The following KAT6B variants were observed in gnomAD, a reference collection of about 807,000 sequenced individuals.
KAT6B encodes the protein lysine acetyltransferase 6B.
A neutral mutation model predicts 187.5 loss-of-function variants in KAT6B; 10 were observed. That is an observed-to-expected ratio of 0.05 (90% CI 0.03 to 0.09). KAT6B has a LOEUF of 0.09. Ranked by LOEUF, KAT6B falls within the 10% of genes least tolerant of loss-of-function variation. The pLI, the probability that KAT6B is intolerant of heterozygous loss-of-function variation, is 1.00. For missense variants in KAT6B, 1,952 were observed against 2,558.9 expected (o/e 0.76, Z 5.12); for synonymous variants, 861 against 926.8 (o/e 0.93, Z 1.29).
chr10:74,973,854 A>G (rs555674323), intron 7 of KAT6B, among the ~76,000 whole-genome samples: 28 of 152,310 alleles, frequency 1.8e-4, no homozygotes, highest in Admixed American at 9.8e-4. Flanking sequence ...TGTTCCCAAC[A>G]TGGGTCCATA....
intron 3 of KAT6B, among the ~76,000 whole-genome samples, chr10:74,908,989 C>T (rs1846999327): frequency 3.9e-5 from 6 of 152,120 alleles, no homozygotes; most frequent in Admixed American, 3.9e-4. Context: ...ATCCACAAGT[C>T]TATATGTGAA....
rs201434400 is a variant in KAT6B, at chr10:74,935,292, T to C, written c.622-24678T>C. On this transcript the variant is annotated intron_variant, in intron 3 of 17. Coordinates refer to ENST00000287239, the MANE Select transcript of KAT6B (RefSeq NM_012330.4). ...TTACATACACACACATATATATATA[T>C]ACACACATCTGTGTACTCATATATA... Among the ~76,000 whole-genome samples the C allele has an allele frequency of 3.2e-4, 43 of 133,404 alleles. 1 individual carries two copies. The highest frequency in any genetic ancestry group is 8.3e-4 in the African/African-American group (30 of 35,966). 87.5% of individuals were successfully genotyped at this position (133,404 alleles called of 152,430 possible). A position where few individuals can be genotyped will look rare whatever the true frequency, so the allele number is the denominator to read the frequency against.
At chr10:75,008,577 A>G (rs1456401812) in intron 13 of KAT6B, among the ~76,000 whole-genome samples, 2 of 152,174 alleles carry the variant, frequency 1.3e-5, no homozygotes, top group Non-Finnish European at 2.9e-5. Flanking sequence ...CCATGAAGTT[A>G]AGGACATTAA....
chr10:74,938,395 T>C (rs1043960069), intron 3 of KAT6B, among the ~76,000 whole-genome samples: 5 of 151,930 alleles, frequency 3.3e-5, no homozygotes, highest in Admixed American at 3.3e-4. Flanking sequence ...GCTCCCTACA[T>C]AGACTACCAG....
intron 3 of KAT6B, among the ~76,000 whole-genome samples, chr10:74,876,037 G>T (rs1226835351): frequency 6.6e-6 from 1 of 151,994 alleles, no homozygotes; most frequent in African/African-American, 2.4e-5. Flanking sequence ...ACAACCTCAA[G>T]CATCCTACAA....
intron 16 of KAT6B, 75 bp from the exon 17 acceptor site, chr10:75,024,883 C>T (rs1564628035): frequency 1.5e-6 from 2 of 1,357,506 alleles, no homozygotes; most frequent in South Asian, 1.2e-5. Flanking sequence ...GCGTTCAGTA[C>T]ATGTCTACTG....
intron 2 of KAT6B, among the ~76,000 whole-genome samples, chr10:74,839,152 CCCCCCA>C (rs1331391156): frequency 3.4e-5 from 5 of 149,166 alleles, no homozygotes; most frequent in African/African-American, 1.2e-4. Context: ...AGACTCTGTG[CCCCCCA>C]AAAAAAAAAA....
chr10:74,995,362 C>A (rs1306465629), intron 13 of KAT6B, among the ~76,000 whole-genome samples: 2 of 152,108 alleles, frequency 1.3e-5, no homozygotes, highest in East Asian at 1.9e-4. Context: ...TTATTTTATA[C>A]TTGTTACCTT....
In KAT6B at chr10:74,871,185, CTTT is replaced by C. The variant is rs746074814; in HGVS notation, c.621+27730_621+27732del. Among the ~76,000 whole-genome samples the C allele has an allele frequency of 9.1e-5, 7 of 76,744 alleles. No individual in the cohort carries two copies. The South Asian group carries it at 1.4e-3, about 15-fold the overall frequency. 50.3% of individuals were successfully genotyped at this position (76,744 alleles called of 152,430 possible). On this transcript the variant is annotated intron_variant, in intron 3 of 17. Coordinates refer to ENST00000287239, the MANE Select transcript of KAT6B (RefSeq NM_012330.4). Reference sequence around the variant, plus strand: ...ACAGGTGTGAGCCACCAAGCCTGGCCTTTTTTTTTTTTTTTTTTTTTTTTTGAT... The same window carrying C: ...ACAGGTGTGAGCCACCAAGCCTGGCCTTTTTTTTTTTTTTTTTTTTTTGAT...
intron 13 of KAT6B, among the ~76,000 whole-genome samples, chr10:74,989,326 C>G (rs1003661919): frequency 6.6e-6 from 1 of 152,202 alleles, no homozygotes; most frequent in Non-Finnish European, 1.5e-5. Context: ...GACTAGATCT[C>G]TCGGCAGCAG....
At chr10:74,925,302 A>G (rs1243688889) in intron 3 of KAT6B, among the ~76,000 whole-genome samples, 1 of 152,078 alleles carries the variant, frequency 6.6e-6, no homozygotes, top group African/African-American at 2.4e-5. Context: ...TCAGCCTCCA[A>G]AAGTGCTGGG....
At chr10:74,927,995 C>T (rs1452191702) in intron 3 of KAT6B, among the ~76,000 whole-genome samples, 1 of 152,154 alleles carries the variant, frequency 6.6e-6, no homozygotes, top group African/African-American at 2.4e-5. Flanking sequence ...GTCTACCTGG[C>T]ATATTATTGT....
Position 75,022,164 on chromosome 10 carries a change from A to C in KAT6B, c.3305A>C (p.Glu1102Ala). Residue 1102 changes from glutamate (E) to alanine (A), a missense_variant, in exon 16 of 18, where the codon GAA (glutamate) becomes GCA (alanine). This residue lies in a region of KAT6B where 758 missense variants were observed against 891.4 expected (regional missense o/e 0.85). Coordinates refer to ENST00000287239, the MANE Select transcript of KAT6B (RefSeq NM_012330.4). ...GAAGAAGAGGAAGAAGAAGAAGAAG[A>C]AGAAGAAAATATTCAAAGCTCTCCC... Reference protein sequence around the residue: ...EEEEEEEEEEEEENIQSSPPR... With the variant: ...EEEEEEEEEEAEENIQSSPPR... 1 of 1,613,558 alleles carries C rather than the reference A, an allele frequency of 6.2e-7. No individual in the cohort carries two copies. Among genetic ancestry groups the C allele is most frequent in the South Asian group, 1.1e-5 (1 of 91,064 alleles).
In KAT6B at chr10:74,886,578, A is replaced by T. The variant is rs1005610958; in HGVS notation, c.621+43100A>T. On this transcript the variant is annotated intron_variant, in intron 3 of 17. Transcript: ENST00000287239. ...CGCTCCCCCGTGCCCCACATCTGGG[A>T]GGACCCCACCTGAGCTTGGTGTTAT... 4.2e-4 allele frequency among the ~76,000 whole-genome samples: 64 copies of T among 152,290 alleles called. 1 individual carries two copies. Among genetic ancestry groups the T allele is most frequent in the African/African-American group, 1.5e-3 (62 of 41,572 alleles).
At chr10:74,961,541 A>G (rs1323081952) in intron 4 of KAT6B, among the ~76,000 whole-genome samples, 2 of 152,160 alleles carry the variant, frequency 1.3e-5, no homozygotes, top group Non-Finnish European at 2.9e-5. Flanking sequence ...CTGGTGATAC[A>G]CTTACTTGAG....
chr10:74,911,262 CTTTCTT>C (rs1265740754), intron 3 of KAT6B, among the ~76,000 whole-genome samples: 34 of 150,132 alleles, frequency 2.3e-4, no homozygotes, highest in African/African-American at 8.3e-4. Context: ...CCTTAGTCTA[CTTTCTT>C]TTTCTTTTTT....
intron 13 of KAT6B, among the ~76,000 whole-genome samples, chr10:75,004,929 G>A (rs78886581): frequency 0.023 from 3,459 of 152,114 alleles, 130 homozygotes; most frequent in African/African-American, 0.079. Flanking sequence ...TGCCCAGGCT[G>A]GTTTCCAACT....
intron 3 of KAT6B, among the ~76,000 whole-genome samples, chr10:74,923,622 G>A (rs960948443): frequency 6.6e-5 from 10 of 152,184 alleles, no homozygotes; most frequent in African/African-American, 2.2e-4. Context: ...TGTTCTAGAT[G>A]GAGGGAACAG....
At chr10:74,895,562 C>G (rs942914938) in intron 3 of KAT6B, among the ~76,000 whole-genome samples, 1 of 151,948 alleles carries the variant, frequency 6.6e-6, no homozygotes, top group South Asian at 2.1e-4. Flanking sequence ...TTTTTTGAGG[C>G]AGAGTCTTTC....
Sources: gnomAD v4.1 joint callset for allele counts (sites outside exome capture counted in the v4.1 genomes callset) on GRCh38, gnomAD v4.1.1 for gene constraint, gnomAD v4.1.1 regional missense constraint, MANE v1.5 for transcripts, NCBI Gene and HGNC (gene_info 2026-07-23, HGNC 2026-07-21) for gene names.